The following HNF4G variants were observed in gnomAD, a reference collection of about 807,000 sequenced individuals.
The protein encoded by HNF4G is hepatocyte nuclear factor 4-gamma.
A neutral mutation model predicts 50.9 loss-of-function variants in HNF4G; 21 were observed. The observed-to-expected ratio is 0.41, with a 90% CI of 0.29 to 0.59. HNF4G has a LOEUF of 0.59. Among genes scored for constraint, HNF4G ranks in the 20% least tolerant of loss-of-function variants. The pLI is 0.26. For synonymous variants in HNF4G, 198 were observed against 185.6 expected (o/e 1.07, Z -0.54); for missense variants, 527 against 559.4 (o/e 0.94, Z 0.58).
intron 2 of HNF4G, among the ~76,000 whole-genome samples, chr8:75,525,034 C>T (rs1489361126): frequency 5.9e-5 from 9 of 152,094 alleles, no homozygotes. Flanking sequence ...TCTCATTCTT[C>T]CTAAAGCCCC....
intron 1 of HNF4G, among the ~76,000 whole-genome samples, chr8:75,422,753 C>T (rs1337963538): frequency 6.6e-6 from 1 of 152,050 alleles, no homozygotes; most frequent in Non-Finnish European, 1.5e-5. Context: ...CCTGACTCAG[C>T]CTCCTGAGTA....
At chr8:75,504,724 A>G (rs1813030910) in intron 2 of HNF4G, among the ~76,000 whole-genome samples, 1 of 152,134 alleles carries the variant, frequency 6.6e-6, no homozygotes, top group Admixed American at 6.5e-5. Context: ...GCAAATTTAT[A>G]TTGTACTGAT....
intron 1 of HNF4G, among the ~76,000 whole-genome samples, chr8:75,479,239 G>A (rs1264133361): frequency 1.3e-5 from 2 of 152,062 alleles, no homozygotes; most frequent in African/African-American, 4.8e-5. Context: ...TTATCTAAAG[G>A]AATAAAAAAC....
intron 1 of HNF4G, among the ~76,000 whole-genome samples, chr8:75,433,417 A>G (rs1182519471): frequency 6.6e-6 from 1 of 151,360 alleles, no homozygotes; most frequent in Non-Finnish European, 1.5e-5. Context: ...CAGAACAAAA[A>G]AAAAAAAAAA....
Position 75,559,010 on chromosome 8 carries a change from A to G in HNF4G, c.1096A>G (p.Asn366Asp). Residue 366 changes from asparagine (N) to aspartate (D), a missense_variant, in exon 8 of 10, where the codon AAT (asparagine) becomes GAT (aspartate). By Grantham distance (23) the Asn-to-Asp change is conservative. This residue lies in a region of HNF4G where 308 missense variants were observed against 301.5 expected (regional missense o/e 1.02). Transcript: ENST00000396423. ...ACTTTTTGGGATGGTTAAAATTGAC[A>G]ATCTACTTCAGGAAATGCTATTAGG... ...VKLFGMVKID[N>D]LLQEMLLGGA... The G allele has an allele frequency of 6.2e-7, 1 of 1,602,568 alleles. No homozygotes were observed. Among genetic ancestry groups the G allele is most frequent in the Non-Finnish European group, 8.6e-7 (1 of 1,169,562 alleles).
intron 1 of HNF4G, among the ~76,000 whole-genome samples, chr8:75,432,869 G>A (rs1563504111): frequency 6.6e-6 from 1 of 152,158 alleles, no homozygotes; most frequent in Non-Finnish European, 1.5e-5. Context: ...GGGACCATCA[G>A]CTGGAATTCT....
At chr8:75,474,536 G>A (rs1421093396) in intron 1 of HNF4G, among the ~76,000 whole-genome samples, 1 of 152,064 alleles carries the variant, frequency 6.6e-6, no homozygotes. Flanking sequence ...GATGAAAAAA[G>A]TTGAGAAAGT....
At chr8:75,439,866 A>G (rs752196883) in intron 1 of HNF4G, among the ~76,000 whole-genome samples, 1 of 152,072 alleles carries the variant, frequency 6.6e-6, no homozygotes, top group Non-Finnish European at 1.5e-5. Context: ...CTACATAACT[A>G]AGACTTTTTT....
intron 1 of HNF4G, among the ~76,000 whole-genome samples, chr8:75,543,103 A>T (rs2977930): frequency 6.6e-6 from 1 of 152,100 alleles, no homozygotes; most frequent in South Asian, 2.1e-4. Context: ...GCTACTCAGG[A>T]GGCTGAGGCA....
intron 1 of HNF4G, among the ~76,000 whole-genome samples, chr8:75,426,549 G>A (rs1312298011): frequency 1.3e-5 from 2 of 152,118 alleles, no homozygotes; most frequent in African/African-American, 4.8e-5. Flanking sequence ...GTTAGGGTGT[G>A]CCGGCAATAA....
At chr8:75,489,329 A>G (rs1812567066) in intron 1 of HNF4G, among the ~76,000 whole-genome samples, 1 of 152,190 alleles carries the variant, frequency 6.6e-6, no homozygotes, top group Non-Finnish European at 1.5e-5. Context: ...TCAATATCTC[A>G]CAAATTATTT....
chr8:75,416,978 G>A (rs1308624039), intron 1 of HNF4G, among the ~76,000 whole-genome samples: 1 of 152,174 alleles, frequency 6.6e-6, no homozygotes, highest in Non-Finnish European at 1.5e-5. Context: ...CATAGAGTCT[G>A]GCAAAAGGTG....
intron 1 of HNF4G, among the ~76,000 whole-genome samples, chr8:75,475,243 C>T (rs983633258): frequency 6.6e-6 from 1 of 151,894 alleles, no homozygotes; most frequent in African/African-American, 2.4e-5. Flanking sequence ...CTCTTGACCT[C>T]GTGATCTGCC....
intron 1 of HNF4G, among the ~76,000 whole-genome samples, chr8:75,458,172 A>G (rs1261911647): frequency 6.6e-6 from 1 of 152,048 alleles, no homozygotes; most frequent in Non-Finnish European, 1.5e-5. Context: ...TTAGGAGGTA[A>G]TAATAAAAGT....
chr8:75,435,224 T>C (rs1811108696), intron 1 of HNF4G, among the ~76,000 whole-genome samples: 1 of 152,186 alleles, frequency 6.6e-6, no homozygotes, highest in Non-Finnish European at 1.5e-5. Context: ...ACAGGTTTAT[T>C]ATAGAAATGC....
chr8:75,528,046 G>T (rs1806228322), intron 2 of HNF4G, among the ~76,000 whole-genome samples: 1 of 152,154 alleles, frequency 6.6e-6, no homozygotes, highest in Admixed American at 6.5e-5. Context: ...CCCTGTTCAT[G>T]TGAGAGTGCA....
intron 1 of HNF4G, among the ~76,000 whole-genome samples, chr8:75,448,970 A>G (rs1439675042): frequency 1.3e-5 from 2 of 152,212 alleles, no homozygotes; most frequent in African/African-American, 4.8e-5. Context: ...AAAAATGACA[A>G]AGAAAATCAA....
At chr8:75,472,715 A>C (rs2130636415) in intron 1 of HNF4G, among the ~76,000 whole-genome samples, 1 of 152,318 alleles carries the variant, frequency 6.6e-6, no homozygotes, top group African/African-American at 2.4e-5. Context: ...TAAATCCATT[A>C]AGAAGAGACG....
intron 1 of HNF4G, among the ~76,000 whole-genome samples, chr8:75,458,521 C>T (rs1811775141): frequency 6.6e-6 from 1 of 151,820 alleles, no homozygotes; most frequent in African/African-American, 2.4e-5. Flanking sequence ...ACTCAGACAA[C>T]AACAATAACA....
Sources: gnomAD v4.1 joint callset for allele counts (sites outside exome capture counted in the v4.1 genomes callset) on GRCh38, gnomAD v4.1.1 for gene constraint, gnomAD v4.1.1 regional missense constraint, MANE v1.5 for transcripts, NCBI Gene and HGNC (gene_info 2026-07-23, HGNC 2026-07-21) for gene names.